The following FAM53A variants were observed in gnomAD, a reference collection of about 807,000 sequenced individuals.
FAM53A encodes the protein protein FAM53A.
Under a neutral mutation model 26.6 loss-of-function variants are expected in FAM53A, and 28 were observed. The ratio of observed to expected loss-of-function variants is 1.05; its 90% CI spans 0.78 to 1.45. The LOEUF is 1.45. Among genes scored for constraint, FAM53A ranks in the 40% most tolerant of loss-of-function variants. The pLI is 0.00. For synonymous variants in FAM53A, 290 were observed against 253.1 expected (o/e 1.15, Z -1.38); for missense variants, 650 against 575.8 (o/e 1.13, Z -1.32).
At chr4:1,663,129 G>A (rs1713977140) in intron 2 of FAM53A, among the ~76,000 whole-genome samples, 1 of 151,822 alleles carries the variant, frequency 6.6e-6, no homozygotes, top group Non-Finnish European at 1.5e-5. Context: ...AACCTGGGAG[G>A]CAGAGTGAGC....
intron 1 of FAM53A, among the ~76,000 whole-genome samples, chr4:1,619,431 C>T (rs931497551): frequency 6.6e-6 from 1 of 152,220 alleles, no homozygotes; most frequent in Non-Finnish European, 1.5e-5. Flanking sequence ...GGCTCCCTTG[C>T]CCAGCTCGGC....
the FAM53A span, among the ~76,000 whole-genome samples, chr4:1,603,708 C>T: frequency 6.6e-6 from 1 of 152,220 alleles, no homozygotes; most frequent in Non-Finnish European, 1.5e-5. Flanking sequence ...TGTGTGCGGC[C>T]TGCAGCTTGA....
chr4:1,610,826 G>A, the FAM53A span, among the ~76,000 whole-genome samples: 22 of 152,076 alleles, frequency 1.4e-4, no homozygotes, highest in African/African-American at 2.9e-4. Context: ...CAGGCTCTGC[G>A]GCCACACTCA....
At chr4:1,644,054 C>T in intron 4 of FAM53A, 1 of 1,211,996 alleles carries the variant, frequency 8.3e-7, no homozygotes, top group Non-Finnish European at 1.1e-6. Context: ...AGGTCCGGGT[C>T]TCACCAGCTC....
At chr4:1,681,339 C>CTG in intron 1 of FAM53A, among the ~76,000 whole-genome samples, 1 of 152,202 alleles carries the variant, frequency 6.6e-6, no homozygotes. Flanking sequence ...CTCAGGTGAC[C>CTG]TACCCACCTT....
intron 4 of FAM53A, among the ~76,000 whole-genome samples, chr4:1,654,271 C>A (rs1319501385): frequency 6.6e-6 from 1 of 152,202 alleles, no homozygotes; most frequent in East Asian, 1.9e-4. Flanking sequence ...CCTCCCCGAG[C>A]GCTGCCGGGC....
At chr4:1,664,224 T>C (rs1034560940) in intron 2 of FAM53A, among the ~76,000 whole-genome samples, 6 of 152,246 alleles carry the variant, frequency 3.9e-5, no homozygotes, top group Non-Finnish European at 5.9e-5. Flanking sequence ...AAAGTCTTTA[T>C]CTTTTGGAGA....
intron 4 of FAM53A, among the ~76,000 whole-genome samples, chr4:1,646,175 A>ACTGCAACCTCCGCCTCC (rs1232742356): frequency 6.6e-6 from 1 of 151,230 alleles, no homozygotes; most frequent in Non-Finnish European, 1.5e-5. Flanking sequence ...GTCTCGGCTC[A>ACTGCAACCTCCGCCTCC]CTGCAACCTC....
intron 2 of FAM53A, among the ~76,000 whole-genome samples, chr4:1,664,007 A>T (rs1235704121): frequency 6.6e-6 from 1 of 152,132 alleles, no homozygotes; most frequent in African/African-American, 2.4e-5. Context: ...CAGCCTGGAC[A>T]CTCCGGGACA....
chr4:1,660,455 G>A (rs1713744814), intron 2 of FAM53A, among the ~76,000 whole-genome samples: 1 of 151,866 alleles, frequency 6.6e-6, no homozygotes, highest in Admixed American at 6.6e-5. Context: ...CAGATATGAT[G>A]GCATGAGCCT....
chr4:1,620,271 C>T (rs1171470436), intron 1 of FAM53A, among the ~76,000 whole-genome samples: 1 of 151,618 alleles, frequency 6.6e-6, no homozygotes, highest in Non-Finnish European at 1.5e-5. Flanking sequence ...ATCTTATTTC[C>T]CATAACAGAC....
rs150689051 is a variant in FAM53A, at chr4:1,644,159, ACGCAC to A, written c.883-2557_883-2553del. On this transcript the variant is annotated intron_variant, in intron 4 of 4. Coordinates refer to ENST00000308132, the MANE Select transcript of FAM53A (RefSeq NM_001174070.3). ...ACAGCACCACCAGGCTGCACTACACACGCACCGGGGTGGCGGGGACGCTACGCACC... is the reference window on the plus strand; with the variant it reads ...ACAGCACCACCAGGCTGCACTACACACGGGGTGGCGGGGACGCTACGCACC... 756 of 1,532,144 alleles carry A rather than the reference ACGCAC, an allele frequency of 4.9e-4. 1 individual carries two copies. The African/African-American group carries it at 9.5e-3, about 19-fold the overall frequency. 94.9% of individuals were successfully genotyped at this position (1,532,144 alleles called of 1,614,324 possible). A position where few individuals can be genotyped will look rare whatever the true frequency, so the allele number is the denominator to read the frequency against.
intron 1 of FAM53A, among the ~76,000 whole-genome samples, chr4:1,671,002 G>A (rs1480223463): frequency 2.7e-5 from 4 of 148,424 alleles, no homozygotes; most frequent in South Asian, 2.1e-4. Context: ...CTGTCCCAGC[G>A]TCAGAGCCAA....
the FAM53A span, among the ~76,000 whole-genome samples, chr4:1,612,074 T>G: frequency 6.6e-6 from 1 of 152,216 alleles, no homozygotes; most frequent in Non-Finnish European, 1.5e-5. Context: ...ATTGAATATT[T>G]GGCTGATGAA....
At chr4:1,622,238 C>T (rs182364217) in intron 1 of FAM53A, among the ~76,000 whole-genome samples, 92 of 152,074 alleles carry the variant, frequency 6.0e-4, no homozygotes, top group African/African-American at 1.6e-3. Flanking sequence ...ATGCCAGCCT[C>T]GGCTCATACT....
In FAM53A at chr4:1,659,513, C is replaced by T. The variant is rs1713671515; in HGVS notation, c.76-2045G>A. ...GGGCAGCTTGAAGGAGCCACAGGCC[C>T]GCACGGTCCCAAATGTGACCACCTC... On this transcript the variant is annotated intron_variant, in intron 2 of 4. Transcript: ENST00000308132. This position sits in a 1 kb window ranked among gnomAD's most constrained non-coding sequence, Gnocchi z 5.2. 6.6e-6 allele frequency among the ~76,000 whole-genome samples: 1 copy of T among 152,184 alleles called. No homozygotes were observed. Among genetic ancestry groups the T allele is most frequent in the Non-Finnish European group, 1.5e-5 (1 of 68,038 alleles).
At chr4:1,598,375 C>T in the FAM53A span, among the ~76,000 whole-genome samples, 5 of 152,330 alleles carry the variant, frequency 3.3e-5, no homozygotes, top group East Asian at 1.9e-4. Context: ...GGGGCACGGA[C>T]GGGAGCCAGG....
chr4:1,607,172 C>A, the FAM53A span, among the ~76,000 whole-genome samples: 2 of 152,202 alleles, frequency 1.3e-5, no homozygotes, highest in Non-Finnish European at 2.9e-5. Flanking sequence ...GCATGCGCCA[C>A]CACACCCGGC....
At chr4:1,636,503 C>T (rs1488212339), downstream of FAM53A, among the ~76,000 whole-genome samples, 3 of 152,240 alleles carry the variant, frequency 2.0e-5, no homozygotes, top group Non-Finnish European at 4.4e-5. Context: ...CGTCCGTCCT[C>T]GCGCTTCAAG....
Sources: gnomAD v4.1 joint callset for allele counts (sites outside exome capture counted in the v4.1 genomes callset) on GRCh38, gnomAD v4.1.1 for gene constraint, Gnocchi (gnomAD v3.1) non-coding constraint, MANE v1.5 for transcripts, NCBI Gene and HGNC (gene_info 2026-07-23, HGNC 2026-07-21) for gene names.